The following ANKRD11 variants were observed in gnomAD, a reference collection of about 807,000 sequenced individuals.
ANKRD11 encodes the protein ankyrin repeat domain 11.
In ANKRD11, 17 loss-of-function variants were observed where a neutral mutation model predicts 195.7. That is an observed-to-expected ratio of 0.09 (90% CI 0.06 to 0.13). The LOEUF (loss-of-function observed/expected upper bound fraction) is 0.13. Among genes scored for constraint, ANKRD11 ranks in the 10% least tolerant of loss-of-function variants. The probability of loss-of-function intolerance (pLI) is 1.00; values close to 1 mark genes in which losing one functional copy is unlikely to be tolerated. For synonymous variants in ANKRD11, 1,953 were observed against 1,528.1 expected (o/e 1.28, Z -6.49); for missense variants, 3,735 against 3,566.1 (o/e 1.05, Z -1.21).
At chr16:89,305,417 A>G (rs1336473712) in intron 3 of ANKRD11, 73 bp from the exon 4 acceptor site, 2 of 1,598,262 alleles carry the variant, frequency 1.3e-6, no homozygotes, top group South Asian at 1.1e-5. Context: ...TTTGTTTCAT[A>G]TGCCAGGAGA....
chr16:89,420,729 C>G (rs2911255), intron 1 of ANKRD11, among the ~76,000 whole-genome samples: 1 of 151,878 alleles, frequency 6.6e-6, no homozygotes, highest in Non-Finnish European at 1.5e-5. Context: ...ACAGATTTTT[C>G]TTAAGAGACA....
chr16:89,355,477 A>G (rs141152918), intron 2 of ANKRD11, among the ~76,000 whole-genome samples: 1 of 152,286 alleles, frequency 6.6e-6, no homozygotes, highest in African/African-American at 2.4e-5. Flanking sequence ...AAGAATTCAA[A>G]GCCATTTCAA....
rs1165680827 is a variant in ANKRD11 at position 89,337,429 on chromosome 16, C to CTTTTT, written c.-59-20356_-59-20352dup. Among the ~76,000 whole-genome samples the CTTTTT allele has an allele frequency of 5.7e-3, 301 of 53,130 alleles. 91 individuals are homozygous for CTTTTT. The highest frequency in any genetic ancestry group is 0.014 in the African/African-American group (170 of 12,218). The allele number at this position is 53,130 out of a possible 152,430, so 34.9% of individuals were successfully genotyped here. A position where few individuals can be genotyped will look rare whatever the true frequency, so the allele number is the denominator to read the frequency against. Reference sequence around the variant, plus strand: ...ATACATGAACATGGTCTAAGCAATTCTTTTTTTTTTTTTTTTTTTTTTTTT... The same window carrying CTTTTT: ...ATACATGAACATGGTCTAAGCAATTCTTTTTTTTTTTTTTTTTTTTTTTTTTTTTT... On this transcript the variant is annotated intron_variant, in intron 2 of 12. Transcript: ENST00000301030.
intron 2 of ANKRD11, among the ~76,000 whole-genome samples, chr16:89,396,411 G>C (rs963329649): frequency 2.0e-5 from 3 of 152,168 alleles, no homozygotes; most frequent in Non-Finnish European, 4.4e-5. Flanking sequence ...GAAGCCCTGA[G>C]ACTCCCCTGC....
rs1309648889 is a variant in ANKRD11 at position 89,439,189 on chromosome 16, G to A, written c.-144-20821C>T. Among the ~76,000 whole-genome samples, 5 of 152,114 alleles carry A rather than the reference G, an allele frequency of 3.3e-5. No homozygotes were observed. The South Asian group carries it at 1.0e-3, about 32-fold the overall frequency. ...AGTCTTCTTTCCTACCCGCAGCACT[G>A]AAGGTTCAAGGAAGTCCCACTGTTT... On this transcript the variant is annotated intron_variant, in intron 1 of 12. Transcript: ENST00000301030.
chr16:89,448,845 G>C (rs9929800), intron 1 of ANKRD11, among the ~76,000 whole-genome samples: 56,291 of 151,914 alleles, frequency 0.37, 11,193 homozygotes, highest in Middle Eastern at 0.51. Flanking sequence ...GGCAGGGCAG[G>C]AGAGCTCTTT....
intron 2 of ANKRD11, among the ~76,000 whole-genome samples, chr16:89,411,983 T>C (rs1233315502): frequency 8.9e-6 from 1 of 112,904 alleles, no homozygotes; most frequent in African/African-American, 3.6e-5. Context: ...GGTACTGGGC[T>C]GAGATGCCTC....
intron 2 of ANKRD11, chr16:89,323,409 C>T (rs1243486754): frequency 1.7e-6 from 2 of 1,177,412 alleles, no homozygotes; most frequent in Non-Finnish European, 1.1e-6. Flanking sequence ...CAGCCCAGGG[C>T]AGGGGGGCTG....
rs527503836 is a variant in ANKRD11 at position 89,324,242 on chromosome 16, G to A, written c.-59-7164C>T. ...CCTCTGCTTTGCCCCTCAGACACATGCTTGGTCACTGGGCTGTGGAACATA... is the reference window on the plus strand; with the variant it reads ...CCTCTGCTTTGCCCCTCAGACACATACTTGGTCACTGGGCTGTGGAACATA... On this transcript the variant is annotated intron_variant, in intron 2 of 12. Transcript: ENST00000301030. The A allele has an allele frequency of 9.9e-6, 12 of 1,209,084 alleles. No individual in the cohort carries two copies. The African/African-American group carries it at 1.1e-4, about 11-fold the overall frequency. 74.9% of individuals were successfully genotyped at this position (1,209,084 alleles called of 1,614,324 possible).
intron 1 of ANKRD11, among the ~76,000 whole-genome samples, chr16:89,466,820 G>A (rs1233324677): frequency 1.3e-5 from 2 of 152,184 alleles, no homozygotes; most frequent in Admixed American, 6.5e-5. Flanking sequence ...GGCGGCAGGG[G>A]CCCTCCCGCA....
At chr16:89,461,577 G>A (rs935543465) in intron 1 of ANKRD11, among the ~76,000 whole-genome samples, 1 of 152,096 alleles carries the variant, frequency 6.6e-6, no homozygotes, top group Non-Finnish European at 1.5e-5. Context: ...CTGTGCTCAC[G>A]TTATCTGCTT....
At chr16:89,289,028 G>A (rs989681507) in intron 6 of ANKRD11, 7 of 350,932 alleles carry the variant, frequency 2.0e-5, no homozygotes, top group East Asian at 6.9e-5. Context: ...TGCAAAACAC[G>A]GAGGGGAAAC....
intron 9 of ANKRD11, among the ~76,000 whole-genome samples, chr16:89,275,428 T>C (rs932990911): frequency 3.3e-5 from 5 of 152,088 alleles, no homozygotes; most frequent in African/African-American, 1.2e-4. Flanking sequence ...AGTGAGGAGA[T>C]AGTGCAGGGA....
At chr16:89,336,767 G>T (rs772751908) in intron 2 of ANKRD11, among the ~76,000 whole-genome samples, 7 of 152,162 alleles carry the variant, frequency 4.6e-5, no homozygotes, top group Non-Finnish European at 8.8e-5. Flanking sequence ...GACTACATGA[G>T]AGATGATAAA....
chr16:89,354,013 T>C (rs2039345242), intron 2 of ANKRD11, among the ~76,000 whole-genome samples: 1 of 152,138 alleles, frequency 6.6e-6, no homozygotes, highest in African/African-American at 2.4e-5. Flanking sequence ...GCCCCAAGTC[T>C]GTAAATAATT....
At chr16:89,376,437 GTTTTGT>G (rs1293839200) in intron 2 of ANKRD11, among the ~76,000 whole-genome samples, 4 of 152,088 alleles carry the variant, frequency 2.6e-5, no homozygotes, top group Admixed American at 2.6e-4. Flanking sequence ...CCTGAACAGG[GTTTTGT>G]TTTTGTTTTT....
intron 2 of ANKRD11, among the ~76,000 whole-genome samples, chr16:89,349,484 A>G (rs1222148678): frequency 3.3e-5 from 5 of 152,220 alleles, no homozygotes; most frequent in African/African-American, 9.6e-5. Flanking sequence ...ATCTCAAAAA[A>G]GACCAAAAAT....
Position 89,435,651 on chromosome 16 carries a change from C to T in ANKRD11, c.-144-17283G>A, listed in dbSNP as rs1330561124. ...TCCACAGCTTCATTCTTGAAGTCAG[C>T]GAGACCGAGAACCCACCGGAAGGAA... On this transcript the variant is annotated intron_variant, in intron 1 of 12. Coordinates refer to ENST00000301030, the MANE Select transcript of ANKRD11 (RefSeq NM_013275.6). Among the ~76,000 whole-genome samples the T allele has an allele frequency of 3.9e-5, 6 of 151,978 alleles. No individual in the cohort carries two copies. The East Asian group carries it at 1.2e-3, about 29-fold the overall frequency.
chr16:89,407,594 G>A (rs2041957436), intron 2 of ANKRD11, among the ~76,000 whole-genome samples: 1 of 152,216 alleles, frequency 6.6e-6, no homozygotes, highest in African/African-American at 2.4e-5. Context: ...GCCGAGGCAG[G>A]TGGATTGCTT....
Sources: allele counts gnomAD v4.1 joint callset (sites outside exome capture counted in the v4.1 genomes callset), GRCh38; gene constraint gnomAD v4.1.1; transcripts MANE v1.5; gene names NCBI Gene and HGNC (gene_info 2026-07-23, HGNC 2026-07-21).